Variants in AFF3 observed in about 807,000 individuals in gnomAD.
The protein encoded by AFF3 is ALF transcription elongation factor 3.
In AFF3, 32 loss-of-function variants were observed where a neutral mutation model predicts 129.7. The ratio of observed to expected loss-of-function variants is 0.25; its 90% CI spans 0.19 to 0.33. AFF3 has a LOEUF of 0.33. Ranked by LOEUF, AFF3 falls within the 10% of genes least tolerant of loss-of-function variation. The pLI is 1.00. For synonymous variants in AFF3, 644 were observed against 635.4 expected, an observed-to-expected ratio of 1.01 and a Z score of -0.20; for missense variants, 1,373 against 1,592.0, an observed-to-expected ratio of 0.86 and a Z score of 2.34.
chr2:99,798,161 G>C (rs1314008162), intron 8 of AFF3, among the ~76,000 whole-genome samples: 2 of 152,000 alleles, frequency 1.3e-5, no homozygotes, highest in Non-Finnish European at 2.9e-5. Context: ...TTCTTACACT[G>C]AACATGAAGT....
intron 7 of AFF3, among the ~76,000 whole-genome samples, chr2:99,838,359 C>CCT (rs1351529540): frequency 1.3e-5 from 2 of 152,170 alleles, no homozygotes; most frequent in African/African-American, 2.4e-5. Context: ...ACTGTGACAT[C>CCT]CTGGAATGAG....
At chr2:99,781,042 C>A (rs889004054) in intron 8 of AFF3, among the ~76,000 whole-genome samples, 2 of 152,202 alleles carry the variant, frequency 1.3e-5, no homozygotes, top group Non-Finnish European at 2.9e-5. Flanking sequence ...GTTCTTGGAT[C>A]TGGCCCTGGT....
intron 19 of AFF3, among the ~76,000 whole-genome samples, chr2:99,567,742 G>A (rs1158693589): frequency 1.3e-5 from 2 of 152,212 alleles, no homozygotes; most frequent in African/African-American, 4.8e-5. Flanking sequence ...AGCCTGGCTG[G>A]AGCAGAGTGT....
chr2:99,857,224 T>G (rs7576327), intron 7 of AFF3, among the ~76,000 whole-genome samples: 93,156 of 152,100 alleles, frequency 0.61, 29,675 homozygotes, highest in South Asian at 0.75. Flanking sequence ...GAGAGCTCAT[T>G]TGCAAACTGT....
At chr2:99,561,215 C>T (rs1267757933) in intron 20 of AFF3, among the ~76,000 whole-genome samples, 2 of 152,248 alleles carry the variant, frequency 1.3e-5, no homozygotes, top group Non-Finnish European at 2.9e-5. Context: ...AAGACTAATA[C>T]TGCCAATCAC....
At chr2:100,086,214 C>A (rs553395134) in intron 4 of AFF3, among the ~76,000 whole-genome samples, 1 of 152,288 alleles carries the variant, frequency 6.6e-6, no homozygotes, top group South Asian at 2.1e-4. Flanking sequence ...TGCATACTGC[C>A]ATAGTGTCAT....
At position 99,593,682 on chromosome 2, in the gene AFF3, G is replaced by C; in HGVS notation, c.1979C>G (p.Pro660Arg). The C allele has an allele frequency of 6.2e-7, 1 of 1,605,164 alleles. No individual in the cohort carries two copies. ...TGTCTCAATGAACTCCTTGGATTTG[G>C]GGACGATCCTGCTTAGCCCCCGCGT... ...RRTRGLSRIV[P>R]KSKEFIETES... is the part of the protein sequence containing the mutation. The change falls in exon 15 of 25, where the codon CCC becomes CGC. Residue 660 changes from proline to arginine, a missense_variant. By Grantham distance (103) the Pro-to-Arg change is moderately radical. Around this residue, in one of 9 missense-constraint regions of AFF3, gnomAD observed 466 missense variants for 505.0 expected, o/e 0.92. Transcript: ENST00000672756.
At chr2:100,137,090 A>G (rs1479968364) in intron 1 of AFF3, among the ~76,000 whole-genome samples, 1 of 152,234 alleles carries the variant, frequency 6.6e-6, no homozygotes, top group African/African-American at 2.4e-5. Flanking sequence ...CTGCTGATAC[A>G]AACAGATTGC....
At chr2:99,863,753 C>A (rs1471212111) in intron 7 of AFF3, among the ~76,000 whole-genome samples, 1 of 152,210 alleles carries the variant, frequency 6.6e-6, no homozygotes, top group African/African-American at 2.4e-5. Flanking sequence ...TAGCACCCAA[C>A]TGAGCAGCCC....
In AFF3 at chr2:99,683,770, T is replaced by A. The variant is rs140666727; in HGVS notation, c.1092-11181A>T. 1.1e-4 allele frequency among the ~76,000 whole-genome samples: 17 copies of A among 152,290 alleles called. No individual in the cohort carries two copies. The East Asian group carries it at 3.3e-3, about 29-fold the overall frequency. The stretch of plus-strand genomic sequence containing the variant: ...TAAACTTCTTAATTTCTCGACCACC[T>A]CCGACGAGCACATTCTAGGTGCCAG... On this transcript the variant is annotated intron_variant, in intron 11 of 24. Transcript: ENST00000672756.
intron 8 of AFF3, among the ~76,000 whole-genome samples, chr2:99,802,007 C>T (rs1465943323): frequency 2.6e-5 from 4 of 151,990 alleles, no homozygotes; most frequent in Non-Finnish European, 4.4e-5. Context: ...TTACTGTAAT[C>T]GGATTTAACT....
At chr2:99,644,235 G>A (rs953292673) in intron 13 of AFF3, among the ~76,000 whole-genome samples, 25 of 152,238 alleles carry the variant, frequency 1.6e-4, no homozygotes, top group Admixed American at 3.9e-4. Context: ...CGTTGCTGGA[G>A]TCGCAGGCTG....
At chr2:99,847,964 A>G (rs1277913020) in intron 7 of AFF3, among the ~76,000 whole-genome samples, 2 of 152,176 alleles carry the variant, frequency 1.3e-5, no homozygotes, top group Non-Finnish European at 2.9e-5. Context: ...AAACAGTTGT[A>G]CAAAACAAAA....
At chr2:100,142,107 C>A (rs571163687) in intron 1 of AFF3, among the ~76,000 whole-genome samples, 1 of 152,028 alleles carries the variant, frequency 6.6e-6, no homozygotes, top group African/African-American at 2.4e-5. Context: ...TAATGAGCAA[C>A]ATGAGGTTAA....
intron 13 of AFF3, among the ~76,000 whole-genome samples, chr2:99,622,249 G>T (rs62154492): frequency 0.035 from 5,300 of 152,192 alleles, 115 homozygotes; most frequent in Non-Finnish European, 0.044. Context: ...CAGAGGCTGT[G>T]CCCCCAGAGG....
At chr2:99,865,606 C>T (rs905492835) in intron 7 of AFF3, among the ~76,000 whole-genome samples, 2 of 152,178 alleles carry the variant, frequency 1.3e-5, no homozygotes, top group Non-Finnish European at 2.9e-5. Context: ...GGCAGCTTAG[C>T]AGCCCTGTGT....
chr2:99,968,678 T>C (rs971317564), intron 7 of AFF3, among the ~76,000 whole-genome samples: 6 of 151,704 alleles, frequency 4.0e-5, no homozygotes, highest in Non-Finnish European at 7.4e-5. Flanking sequence ...GCCATCAACA[T>C]AGACGAGAAA....
chr2:99,698,993 C>T (rs962210502), intron 11 of AFF3, among the ~76,000 whole-genome samples: 76 of 152,282 alleles, frequency 5.0e-4, no homozygotes, highest in African/African-American at 1.8e-3. Context: ...ATATAAGAAA[C>T]TTTGGTAAAC....
At chr2:99,588,931 C>G (rs117886655) in intron 15 of AFF3, among the ~76,000 whole-genome samples, 1 of 152,170 alleles carries the variant, frequency 6.6e-6, no homozygotes, top group African/African-American at 2.4e-5. Context: ...TTTATGAGTA[C>G]AGCCAGGTGT....
Sources: allele counts gnomAD v4.1 joint callset (sites outside exome capture counted in the v4.1 genomes callset), GRCh38; gene constraint gnomAD v4.1.1; regional missense constraint gnomAD v4.1.1; transcripts MANE v1.5; gene names NCBI Gene and HGNC (gene_info 2026-07-23, HGNC 2026-07-21).